Variants in NUP85 observed in about 807,000 individuals in gnomAD.
NUP85 encodes nuclear pore complex protein Nup85.
NUP85 carries 23 observed loss-of-function variants against 92.8 expected under a neutral mutation model. That is an observed-to-expected ratio of 0.25 (90% CI 0.18 to 0.35). NUP85 has a LOEUF of 0.35. Ranked by LOEUF, NUP85 falls within the 10% of genes least tolerant of loss-of-function variation. The probability of loss-of-function intolerance (pLI) is 1.00; values close to 1 mark genes in which losing one functional copy is unlikely to be tolerated. For missense variants in NUP85, 759 were observed against 822.8 expected (o/e 0.92, Z 0.95); for synonymous variants, 314 against 306.9 (o/e 1.02, Z -0.24).
chr17:75,218,953 G>C (rs1449011207), intron 7 of NUP85, among the ~76,000 whole-genome samples: 1 of 152,000 alleles, frequency 6.6e-6, no homozygotes, highest in African/African-American at 2.4e-5. Flanking sequence ...GGTGCATACA[G>C]GGTTGGATGT....
Position 75,225,250 on chromosome 17 carries a change from A to C in NUP85, c.732+13A>C. 6.2e-7 allele frequency: 1 copy of C among 1,604,998 alleles called. No individual in the cohort carries two copies. Among genetic ancestry groups the C allele is most frequent in the Non-Finnish European group, 8.5e-7 (1 of 1,173,662 alleles). ...GCCCATTCTTAGTGTACGTGGGGGT[A>C]GCTTTGCTCTGCTGGGTCACAGGAG... is the stretch of plus-strand genomic sequence containing the variant. On this transcript the variant is annotated intron_variant, in intron 8 of 18. Coordinates refer to ENST00000245544, the MANE Select transcript of NUP85 (RefSeq NM_024844.5).
chr17:75,227,642 AG>A (rs1180372882), intron 11 of NUP85, among the ~76,000 whole-genome samples: 1 of 141,818 alleles, frequency 7.1e-6, no homozygotes, highest in Non-Finnish European at 1.5e-5. Context: ...CGCCCTGCCA[AG>A]TTTTTTTTTT....
At position 75,212,976 on chromosome 17, in the gene NUP85, A is replaced by G. The variant is rs567872993; in HGVS notation, c.362-100A>G. Reference sequence around the variant, plus strand: ...ATAATGTCTTTTAATTTTTCTCATTAAAATAAACAGAGGCTCAAGCCATAG... The same window carrying G: ...ATAATGTCTTTTAATTTTTCTCATTGAAATAAACAGAGGCTCAAGCCATAG... On this transcript the variant is annotated intron_variant, in intron 4 of 18. Transcript: ENST00000245544. The G allele has an allele frequency of 9.5e-6, 11 of 1,156,646 alleles. No individual in the cohort carries two copies. In the South Asian group the frequency reaches 1.4e-4, roughly 15 times the overall value. The allele number at this position is 1,156,646 out of a possible 1,614,324, so 71.6% of individuals were successfully genotyped here.
chr17:75,210,583 G>A (rs2075226374), intron 3 of NUP85, among the ~76,000 whole-genome samples: 1 of 152,218 alleles, frequency 6.6e-6, no homozygotes, highest in East Asian at 1.9e-4. Context: ...TCACATGGAT[G>A]GCTAGGGAAT....
chr17:75,208,556 C>G lies in NUP85; in HGVS notation c.63C>G (p.Asn21Lys), dbSNP rs779853480. 1.2e-6 allele frequency: 2 copies of G among 1,605,966 alleles called. No homozygotes were observed. The highest frequency in any genetic ancestry group is 1.7e-5 in the Admixed American group (1 of 59,778). Residue 21 changes from asparagine (N) to lysine (K), a missense_variant, in exon 2 of 19, where the codon AAC becomes AAG. Coordinates refer to ENST00000245544, the MANE Select transcript of NUP85 (RefSeq NM_024844.5). ...TLIPGVNSKKNQMYFDWGPGE... is the reference protein window; with the variant it reads ...TLIPGVNSKKKQMYFDWGPGE... ...TTCCAGGCGTGAATTCCAAGAAGAA[C>G]CAAATGTATTTTGACTGGGGTCCAG...
Position 75,224,288 on chromosome 17 carries a change from G to C in NUP85, c.598-815G>C, listed in dbSNP as rs528274298. On this transcript the variant is annotated intron_variant, in intron 7 of 18. Coordinates refer to ENST00000245544, the MANE Select transcript of NUP85 (RefSeq NM_024844.5). ...TCTCGATCTTCTGACTTTGTGATCT[G>C]CCCGTCTTGGCCTCCCAAAGTGCTG... 3.3e-5 allele frequency among the ~76,000 whole-genome samples: 5 copies of C among 151,686 alleles called. No individual in the cohort carries two copies. In the East Asian group the frequency reaches 9.8e-4, roughly 30 times the overall value.
chr17:75,212,107 T>TTG, intron 4 of NUP85, 45 bp downstream of exon 4: 2 of 1,396,862 alleles, frequency 1.4e-6, no homozygotes, highest in East Asian at 2.4e-5. Context: ...TGTGTGTGTG[T>TTG]GTGGGTATTT....
chr17:75,221,167 G>A (rs1470737231), intron 7 of NUP85, among the ~76,000 whole-genome samples: 4 of 149,836 alleles, frequency 2.7e-5, no homozygotes, highest in Non-Finnish European at 5.9e-5. Flanking sequence ...GGCGTGAGCC[G>A]CCACGCCCGG....
chr17:75,221,075 G>A (rs1024339968), intron 7 of NUP85, among the ~76,000 whole-genome samples: 2 of 152,056 alleles, frequency 1.3e-5, no homozygotes, highest in Non-Finnish European at 2.9e-5. Context: ...AGTAGAGACG[G>A]GATTTCACCA....
rs2076088461 is a variant in NUP85 at position 75,232,177 on chromosome 17, C to A, written c.1396+198C>A. 1.3e-5 allele frequency: 8 copies of A among 610,852 alleles called. No individual in the cohort carries two copies. In the East Asian group the frequency reaches 2.3e-4, roughly 18 times the overall value. The allele number at this position is 610,852 out of a possible 1,614,324, so 37.8% of individuals were successfully genotyped here. ...CAGGAAAGCTAGGGATCCACTGGAA[C>A]CCAGACAAAATCTACACGCCATCTG... On this transcript the variant is annotated intron_variant, in intron 14 of 18. Transcript: ENST00000245544.
intron 6 of NUP85, among the ~76,000 whole-genome samples, chr17:75,217,582 T>C (rs1026826239): frequency 6.6e-6 from 1 of 152,120 alleles, no homozygotes; most frequent in Non-Finnish European, 1.5e-5. Flanking sequence ...CGATCTTGGC[T>C]CACTGCAACC....
At chr17:75,211,516 T>G (rs2075259889) in intron 3 of NUP85, among the ~76,000 whole-genome samples, 1 of 151,068 alleles carries the variant, frequency 6.6e-6, no homozygotes, top group Non-Finnish European at 1.5e-5. Context: ...AACCTCCGCC[T>G]GCCGGGTTCA....
chr17:75,212,085 CGCGTGTGTGTG>C, intron 4 of NUP85, 23 bp downstream of exon 4: 1 of 1,397,896 alleles, frequency 7.2e-7, no homozygotes, highest in Middle Eastern at 1.8e-4. Context: ...TGCGCGTGCG[CGCGTGTGTGTG>C]TGTGTGTGTG....
At position 75,234,030 on chromosome 17, in the gene NUP85, G is replaced by A. The variant is rs139505323; in HGVS notation, c.1616-607G>A. Among the ~76,000 whole-genome samples the A allele has an allele frequency of 2.6e-3, 389 of 147,964 alleles. 3 individuals carry two copies. The highest frequency in any genetic ancestry group is 9.2e-3 in the African/African-American group (367 of 40,052). ...ATTACAGGTGTGAGCTACTGTGCCT[G>A]GCCAGTGCCTCCATGTTTCTTCTTT... is the stretch of plus-strand genomic sequence containing the variant. On this transcript the variant is annotated intron_variant, in intron 16 of 18. Coordinates refer to ENST00000245544, the MANE Select transcript of NUP85 (RefSeq NM_024844.5).
At position 75,231,609 on chromosome 17, in the gene NUP85, G is replaced by C. The variant is rs754689741; in HGVS notation, c.1215G>C (p.Glu405Asp). The C allele has an allele frequency of 6.8e-6, 11 of 1,614,084 alleles. No homozygotes were observed. The South Asian group carries it at 9.9e-5, about 14-fold the overall frequency. Residue 405 changes from glutamate to aspartate, a missense_variant, in exon 13 of 19, where the codon GAG (glutamate) becomes GAC (aspartate). Physicochemically the swap from Glu to Asp is conservative, Grantham distance 45 (BLOSUM62 2). Coordinates refer to ENST00000245544, the MANE Select transcript of NUP85 (RefSeq NM_024844.5). This position sits in a 1 kb window ranked among gnomAD's most constrained non-coding sequence, Gnocchi z 4.6. ...GSNMREFLLL[E>D]YASGLFAHPS... ...ACATGAGAGAGTTCCTCCTGCTGGA[G>C]TACGCCTCGGGACTGTTTGCTCATC... is the stretch of plus-strand genomic sequence containing the variant.
At chr17:75,212,088 G>GCA (rs527503066) in intron 4 of NUP85, 26 bp downstream of exon 4, 18 of 1,222,456 alleles carry the variant, frequency 1.5e-5, no homozygotes, top group Non-Finnish European at 1.8e-5. Context: ...GCGTGCGCGC[G>GCA]TGTGTGTGTG....
chr17:75,216,817 C>A (rs2075446454), intron 6 of NUP85, among the ~76,000 whole-genome samples: 2 of 152,110 alleles, frequency 1.3e-5, no homozygotes, highest in Admixed American at 1.3e-4. Flanking sequence ...TTACAGTTGG[C>A]TCTTTGTATC....
chr17:75,230,600 C>A (rs1200668442), intron 11 of NUP85, among the ~76,000 whole-genome samples: 3 of 152,134 alleles, frequency 2.0e-5, no homozygotes, highest in Non-Finnish European at 4.4e-5. Context: ...ACCTCATGAT[C>A]CTCCCACCTC....
chr17:75,234,908 C>T (rs751802495), intron 17 of NUP85, 120 bp downstream of exon 17: 3 of 1,240,688 alleles, frequency 2.4e-6, no homozygotes, highest in African/African-American at 3.0e-5. Context: ...GCGTGTATTC[C>T]CCTTAGCGCC....
Sources: allele counts gnomAD v4.1 joint callset (sites outside exome capture counted in the v4.1 genomes callset), GRCh38; gene constraint gnomAD v4.1.1; non-coding constraint Gnocchi (gnomAD v3.1); transcripts MANE v1.5; gene names NCBI Gene and HGNC (gene_info 2026-07-23, HGNC 2026-07-21).